Variants in EYS observed in about 807,000 individuals in gnomAD.
EYS encodes the protein protein eyes shut homolog.
In EYS, 250 loss-of-function variants were observed where a neutral mutation model predicts 282.1. That is an observed-to-expected ratio of 0.89 (90% CI 0.80 to 0.98). The LOEUF (loss-of-function observed/expected upper bound fraction) is 0.98. Among genes scored for constraint, EYS ranks in the 50% least tolerant of loss-of-function variants. The probability of loss-of-function intolerance (pLI) is 0.00; values close to 1 mark genes in which losing one functional copy is unlikely to be tolerated. For synonymous variants in EYS, 1,355 were observed against 1,282.9 expected, an observed-to-expected ratio of 1.06 and a Z score of -1.20; for missense variants, 4,016 against 3,709.0, an observed-to-expected ratio of 1.08 and a Z score of -2.15.
rs564241244 is a variant in EYS at position 64,839,159 on chromosome 6, A to G, written c.2993-16337T>C. 3.9e-5 allele frequency among the ~76,000 whole-genome samples: 6 copies of G among 152,142 alleles called. No homozygotes were observed. In the East Asian group the frequency reaches 1.2e-3, roughly 29 times the overall value. On this transcript the variant is annotated intron_variant, in intron 19 of 42. Coordinates refer to ENST00000503581, the MANE Select transcript of EYS (RefSeq NM_001142800.2). ...CCCTTATTTCTGCTGCATTGATCCA[A>G]AGCAATCATACTGAATTAATTTTTG...
chr6:65,505,236 G>A (rs1766612140), intron 2 of EYS, among the ~76,000 whole-genome samples: 1 of 151,610 alleles, frequency 6.6e-6, no homozygotes, highest in Admixed American at 6.6e-5. Context: ...ATGCCCATAG[G>A]AACAATAATG....
In EYS at chr6:64,292,540, A is replaced by G. The variant is rs902518811; in HGVS notation, c.6191+14430T>C. On this transcript the variant is annotated intron_variant, in intron 30 of 42. Transcript: ENST00000503581. ...GAATAAGGTTGGGACTGAATCCAAG[A>G]GCAGATCTTTAAGATTTGAGGTAAG... Among the ~76,000 whole-genome samples the G allele has an allele frequency of 2.6e-5, 4 of 152,144 alleles. No homozygotes were observed. In the East Asian group the frequency reaches 7.7e-4, roughly 29 times the overall value.
chr6:64,915,319 C>T (rs905745452), intron 15 of EYS, among the ~76,000 whole-genome samples: 15 of 152,098 alleles, frequency 9.9e-5, no homozygotes, highest in South Asian at 2.1e-4. Flanking sequence ...CACCATTAAA[C>T]TTCTGGTTCC....
At position 64,686,805 on chromosome 6, in the gene EYS, G is replaced by GTGTATATATATATA. The variant is rs1770137866; in HGVS notation, c.3444-60561_3444-60560insTATATATATATACA. ...TATATATATGTGTGTATATATATAT[G>GTGTATATATATATA]TGTGTATATATATATGTGTATATAT... is the stretch of plus-strand genomic sequence containing the variant. On this transcript the variant is annotated intron_variant, in intron 22 of 42. Transcript: ENST00000503581. 7.1e-5 allele frequency among the ~76,000 whole-genome samples: 2 copies of GTGTATATATATATA among 28,012 alleles called. 1 individual carries two copies. The highest frequency in any genetic ancestry group is 7.3e-4 in the Admixed American group (2 of 2,722). The allele number at this position is 28,012 out of a possible 152,430, so 18.4% of individuals were successfully genotyped here.
chr6:65,000,149 G>A (rs1043022038), intron 13 of EYS, among the ~76,000 whole-genome samples: 4 of 152,132 alleles, frequency 2.6e-5, no homozygotes, highest in Non-Finnish European at 5.9e-5. Flanking sequence ...TATGCACTGC[G>A]GTGGAGTCAG....
intron 26 of EYS, among the ~76,000 whole-genome samples, chr6:64,467,400 C>T (rs932441806): frequency 6.6e-6 from 1 of 152,084 alleles, no homozygotes; most frequent in Non-Finnish European, 1.5e-5. Context: ...TTTTTACCCT[C>T]TATGATCTAG....
At chr6:64,790,944 ATACTT>A (rs1300228283) in intron 22 of EYS, among the ~76,000 whole-genome samples, 2 of 151,950 alleles carry the variant, frequency 1.3e-5, no homozygotes, top group African/African-American at 4.8e-5. Context: ...CTTTCAAATT[ATACTT>A]TAGAGTTCAT....
At chr6:64,010,915 T>C (rs1197001170) in intron 33 of EYS, among the ~76,000 whole-genome samples, 1 of 152,168 alleles carries the variant, frequency 6.6e-6, no homozygotes, top group African/African-American at 2.4e-5. Flanking sequence ...GGCAGCTTGC[T>C]AAAAGTCAGA....
intron 7 of EYS, among the ~76,000 whole-genome samples, chr6:65,390,852 C>A (rs559148696): frequency 1.3e-5 from 2 of 151,842 alleles, no homozygotes; most frequent in East Asian, 3.9e-4. Flanking sequence ...ACACTACATG[C>A]CAGCCTGGGT....
intron 23 of EYS, among the ~76,000 whole-genome samples, chr6:64,622,399 C>T (rs954127001): frequency 6.6e-6 from 1 of 152,068 alleles, no homozygotes; most frequent in African/African-American, 2.4e-5. Context: ...TTTGGTGATA[C>T]AAAAATAAAC....
intron 5 of EYS, among the ~76,000 whole-genome samples, chr6:65,455,115 A>T (rs1294681750): frequency 6.6e-6 from 1 of 152,096 alleles, no homozygotes; most frequent in Non-Finnish European, 1.5e-5. Context: ...TAACAATACC[A>T]ATTCTTCCCA....
chr6:64,286,555 T>A (rs980146262), intron 30 of EYS, among the ~76,000 whole-genome samples: 4 of 152,158 alleles, frequency 2.6e-5, no homozygotes, highest in African/African-American at 9.6e-5. Context: ...TGCCCTGCTT[T>A]GCACAGATAT....
intron 19 of EYS, among the ~76,000 whole-genome samples, chr6:64,849,653 A>G (rs1295897894): frequency 6.6e-6 from 1 of 151,936 alleles, no homozygotes; most frequent in Non-Finnish European, 1.5e-5. Flanking sequence ...GGCTCTGGGG[A>G]GGAATTTTTT....
At chr6:63,789,266 A>G (rs746351471) in intron 37 of EYS, 42 bp from the exon 38 acceptor site, 1,090 of 1,532,086 alleles carry the variant, frequency 7.1e-4, no homozygotes, top group Non-Finnish European at 9.0e-4. Context: ...CTGAGAGGAA[A>G]TTCAGGAGTT....
chr6:65,660,593 GTTC>G (rs1378466091), intron 1 of EYS, among the ~76,000 whole-genome samples: 5 of 151,700 alleles, frequency 3.3e-5, no homozygotes, highest in Non-Finnish European at 7.4e-5. Context: ...GAAAAAAGAT[GTTC>G]TTCTATGGTA....
chr6:64,977,763 T>C (rs564425781), intron 14 of EYS, among the ~76,000 whole-genome samples: 8 of 151,426 alleles, frequency 5.3e-5, no homozygotes, highest in Admixed American at 3.3e-4. Context: ...TTATTGCTGA[T>C]AGAGTGAAAG....
chr6:63,743,540 A>G (rs939348837), intron 41 of EYS, among the ~76,000 whole-genome samples: 7 of 152,174 alleles, frequency 4.6e-5, no homozygotes, highest in African/African-American at 1.7e-4. Flanking sequence ...AGTTTTGCAG[A>G]CAGGTTTGCC....
chr6:65,219,022 A>G (rs746745592), intron 12 of EYS, among the ~76,000 whole-genome samples: 15 of 152,104 alleles, frequency 9.9e-5, no homozygotes, highest in Non-Finnish European at 1.9e-4. Flanking sequence ...AAGACAGAGA[A>G]GTTATTTCTT....
chr6:65,543,080 G>T (rs996234997), intron 2 of EYS, among the ~76,000 whole-genome samples: 1 of 152,076 alleles, frequency 6.6e-6, no homozygotes, highest in African/African-American at 2.4e-5. Flanking sequence ...GAGAAGTGGC[G>T]TGATCTCGGC....
Sources: allele counts gnomAD v4.1 joint callset (sites outside exome capture counted in the v4.1 genomes callset), GRCh38; gene constraint gnomAD v4.1.1; transcripts MANE v1.5; gene names NCBI Gene and HGNC (gene_info 2026-07-23, HGNC 2026-07-21).